The following RECK variants were observed in gnomAD, a reference collection of about 807,000 sequenced individuals.
RECK encodes reversion-inducing cysteine-rich protein with Kazal motifs.
RECK carries 69 observed loss-of-function variants against 115.1 expected under a neutral mutation model. The ratio of observed to expected loss-of-function variants is 0.60; its 90% CI spans 0.49 to 0.73. The LOEUF is 0.73. RECK is among the 30% of genes least tolerant of loss of function. The probability of loss-of-function intolerance (pLI) is 0.00; values close to 1 mark genes in which losing one functional copy is unlikely to be tolerated. For synonymous variants in RECK, 414 were observed against 419.7 expected (o/e 0.99, Z 0.17); for missense variants, 1,047 against 1,203.7 (o/e 0.87, Z 1.93).
At chr9:36,102,271 C>A (rs377051994) in intron 12 of RECK, 41 bp downstream of exon 12, 298 of 1,505,748 alleles carry the variant, frequency 2.0e-4, no homozygotes, top group Non-Finnish European at 2.6e-4. Flanking sequence ...ATTTCAAATA[C>A]TTCTCTCTTC....
intron 15 of RECK, among the ~76,000 whole-genome samples, chr9:36,111,856 C>T (rs953135827): frequency 6.6e-6 from 1 of 151,832 alleles, no homozygotes; most frequent in African/African-American, 2.4e-5. Context: ...GGATCAAAGT[C>T]TAGGGGGCCC....
chr9:36,086,816 C>G (rs189450582), intron 8 of RECK, among the ~76,000 whole-genome samples: 50 of 152,354 alleles, frequency 3.3e-4, no homozygotes, highest in African/African-American at 1.1e-3. Flanking sequence ...AGTCATTTCT[C>G]TCATGTCAAG....
chr9:36,058,823 A>G lies in RECK; in HGVS notation c.160-4A>G, dbSNP rs200662164. ...ACAAAAACTTTTTTTTTTTTGTCAAATAGATTTTCTCCTCAAAAAGTGAAT... is the reference window on the plus strand; with the variant it reads ...ACAAAAACTTTTTTTTTTTTGTCAAGTAGATTTTCTCCTCAAAAAGTGAAT... On this transcript the variant is annotated splice_polypyrimidine_tract_variant and splice_region_variant and intron_variant, in intron 2 of 20. Transcript: ENST00000377966. 1.6e-5 allele frequency: 26 copies of G among 1,582,300 alleles called. No homozygotes were observed. Among genetic ancestry groups the G allele is most frequent in the Non-Finnish European group, 2.2e-5 (26 of 1,165,278 alleles).
intron 17 of RECK, among the ~76,000 whole-genome samples, 169 bp from the exon 18 acceptor site, chr9:36,118,588 G>A (rs889486439): frequency 6.6e-6 from 1 of 152,036 alleles, no homozygotes; most frequent in Admixed American, 6.6e-5. Context: ...TGCTGCCCAC[G>A]CCACCACCAC....
chr9:36,089,931 C>G (rs978297502), intron 9 of RECK, among the ~76,000 whole-genome samples: 9 of 151,450 alleles, frequency 5.9e-5, no homozygotes, highest in African/African-American at 2.2e-4. Flanking sequence ...CCAGACCAGC[C>G]TGGTCAACAT....
intron 16 of RECK, among the ~76,000 whole-genome samples, chr9:36,116,146 T>TA (rs1587095804): frequency 7.4e-6 from 1 of 134,426 alleles, no homozygotes; most frequent in African/African-American, 3.1e-5. Flanking sequence ...TTTTTTTTTT[T>TA]AGACAGAGTT....
At chr9:36,091,544 T>C (rs1445750686) in intron 10 of RECK, among the ~76,000 whole-genome samples, 1 of 152,232 alleles carries the variant, frequency 6.6e-6, no homozygotes, top group African/African-American at 2.4e-5. Flanking sequence ...AATCTAGAGA[T>C]ACCTCAAGCT....
Position 36,108,089 on chromosome 9 carries a change from G to A in RECK, c.1690G>A (p.Gly564Arg). 1 of 1,613,906 alleles carries A rather than the reference G, an allele frequency of 6.2e-7. No individual in the cohort carries two copies. Among genetic ancestry groups the A allele is most frequent in the Non-Finnish European group, 8.5e-7 (1 of 1,179,846 alleles). ...CYKICSCGQSGLLENCMEMHC... is the reference protein window; with the variant it reads ...CYKICSCGQSRLLENCMEMHC... ...TAAAATCTGTTCATGTGGACAAAGT[G>A]GACTCTTAGAAAACTGTATGGAAAT... Residue 564 changes from glycine (G) to arginine (R), a missense_variant, in exon 14 of 21, where the codon GGA (glycine) becomes AGA (arginine). Physicochemically the swap from Gly to Arg is moderately radical, Grantham distance 125. Transcript: ENST00000377966.
Position 36,116,876 on chromosome 9 carries a change from A to AT in RECK, c.2061-107dup, listed in dbSNP as rs1824287456. 3.6e-6 allele frequency: 3 copies of AT among 833,358 alleles called. No homozygotes were observed. The Admixed American group carries it at 7.4e-5, about 20-fold the overall frequency. The allele number at this position is 833,358 out of a possible 1,614,324, so 51.6% of individuals were successfully genotyped here. ...GCTCTTTGGAGACAGGACTGTCCTG[A>AT]TTCATCTCTTGCTCTCTCTTCAGCC... is the stretch of plus-strand genomic sequence containing the variant. On this transcript the variant is annotated intron_variant, in intron 16 of 20. Transcript: ENST00000377966.
chr9:36,070,227 CATA>C (rs1822174480), intron 6 of RECK, among the ~76,000 whole-genome samples: 1 of 151,902 alleles, frequency 6.6e-6, no homozygotes, highest in Non-Finnish European at 1.5e-5. Flanking sequence ...ATAATTAAAA[CATA>C]GTAACAGTAG....
intron 10 of RECK, among the ~76,000 whole-genome samples, chr9:36,096,054 ATG>A (rs1823325591): frequency 7.2e-6 from 1 of 138,210 alleles, no homozygotes; most frequent in African/African-American, 2.7e-5. Context: ...GGCAACAAGA[ATG>A]AAACTCCATC....
chr9:36,068,326 A>G (rs1453078185), intron 6 of RECK, among the ~76,000 whole-genome samples: 32 of 152,178 alleles, frequency 2.1e-4, no homozygotes, highest in Admixed American at 2.0e-3. Flanking sequence ...ATTCGTTATG[A>G]TGGATTGAAT....
chr9:36,039,039 C>T (rs193279389), intron 1 of RECK, among the ~76,000 whole-genome samples: 1 of 152,224 alleles, frequency 6.6e-6, no homozygotes, highest in Admixed American at 6.5e-5. Flanking sequence ...AACTTGTTTG[C>T]TCATAAAATT....
chr9:36,087,363 C>G (rs983827209), intron 8 of RECK, among the ~76,000 whole-genome samples: 1 of 152,078 alleles, frequency 6.6e-6, no homozygotes, highest in Non-Finnish European at 1.5e-5. Flanking sequence ...AAGCTGGAAA[C>G]CATCATTCTC....
At chr9:36,047,837 C>A (rs1821126493) in intron 1 of RECK, among the ~76,000 whole-genome samples, 2 of 147,930 alleles carry the variant, frequency 1.4e-5, no homozygotes, top group Admixed American at 6.7e-5. Context: ...GGCTAGCTAA[C>A]CCCACAAGTC....
chr9:36,042,894 A>G (rs917203189), intron 1 of RECK, among the ~76,000 whole-genome samples: 1 of 149,514 alleles, frequency 6.7e-6, no homozygotes, highest in East Asian at 2.0e-4. Context: ...GTGGTATTGC[A>G]TTGTGGTTTT....
intron 8 of RECK, 81 bp from the exon 9 acceptor site, chr9:36,087,613 A>G: frequency 7.0e-7 from 1 of 1,427,422 alleles, no homozygotes; most frequent in Non-Finnish European, 9.6e-7. Flanking sequence ...CACATTCTGC[A>G]CATGTATCCC....
intron 7 of RECK, among the ~76,000 whole-genome samples, chr9:36,081,892 A>G (rs1822712262): frequency 6.6e-6 from 1 of 152,020 alleles, no homozygotes; most frequent in Admixed American, 6.6e-5. Context: ...CAATAAACAC[A>G]ATAAGTTTGG....
Position 36,109,878 on chromosome 9 carries a change from T to C in RECK, c.1766-79T>C, listed in dbSNP as rs896161216. 15 of 1,344,182 alleles carry C rather than the reference T, an allele frequency of 1.1e-5. No homozygotes were observed. The African/African-American group carries it at 2.2e-4, about 19-fold the overall frequency. 83.3% of individuals were successfully genotyped at this position (1,344,182 alleles called of 1,614,324 possible). ...AAAGGAATTTCCATTTTAAAACTTG[T>C]TGAACTATTAAAATTGTAATACGTG... On this transcript the variant is annotated intron_variant, in intron 14 of 20. Coordinates refer to ENST00000377966, the MANE Select transcript of RECK (RefSeq NM_021111.3).
Sources: gnomAD v4.1 joint callset for allele counts (sites outside exome capture counted in the v4.1 genomes callset) on GRCh38, gnomAD v4.1.1 for gene constraint, MANE v1.5 for transcripts, NCBI Gene and HGNC (gene_info 2026-07-23, HGNC 2026-07-21) for gene names.